DGKB: variants seen among roughly 807,000 people sequenced by gnomAD.
DGKB encodes the protein 90 kDa diacylglycerol kinase.
In DGKB, 67 loss-of-function variants were observed where a neutral mutation model predicts 114.3. The ratio of observed to expected loss-of-function variants is 0.59; its 90% CI spans 0.48 to 0.72. The LOEUF (loss-of-function observed/expected upper bound fraction) is 0.72. Among genes scored for constraint, DGKB ranks in the 30% least tolerant of loss-of-function variants. DGKB has a pLI of 0.00. For missense variants in DGKB, 907 were observed against 975.2 expected, an observed-to-expected ratio of 0.93 and a Z score of 0.93; for synonymous variants, 398 against 323.1, an observed-to-expected ratio of 1.23 and a Z score of -2.49.
chr7:14,175,439 C>A (rs1781580855), intron 25 of DGKB, among the ~76,000 whole-genome samples: 1 of 152,140 alleles, frequency 6.6e-6, no homozygotes, highest in Non-Finnish European at 1.5e-5. Flanking sequence ...CCTCCACCTC[C>A]TGCACCCCCA....
intron 21 of DGKB, among the ~76,000 whole-genome samples, chr7:14,398,793 T>A (rs1383656321): frequency 6.8e-6 from 1 of 147,544 alleles, no homozygotes. Flanking sequence ...GGTCTATGAC[T>A]AAAAAAAAAA....
At chr7:14,500,724 T>C (rs146161569) in intron 20 of DGKB, among the ~76,000 whole-genome samples, 19 of 151,890 alleles carry the variant, frequency 1.3e-4, no homozygotes, top group African/African-American at 4.3e-4. Context: ...TACTAGGTGA[T>C]TGATAGAAGC....
intron 23 of DGKB, among the ~76,000 whole-genome samples, chr7:14,283,729 T>A (rs968884561): frequency 6.6e-6 from 1 of 152,184 alleles, no homozygotes; most frequent in Admixed American, 6.5e-5. Context: ...AACTATCTGA[T>A]GTTTGACAAA....
chr7:14,165,347 C>A (rs757794092), intron 25 of DGKB, among the ~76,000 whole-genome samples: 1 of 152,082 alleles, frequency 6.6e-6, no homozygotes, highest in African/African-American at 2.4e-5. Flanking sequence ...TAAGGTTGTA[C>A]AACTTACTAA....
At chr7:14,836,474 G>A (rs762355849) in intron 2 of DGKB, among the ~76,000 whole-genome samples, 4 of 152,116 alleles carry the variant, frequency 2.6e-5, no homozygotes, top group Non-Finnish European at 4.4e-5. Context: ...GAAATATCAC[G>A]TAGATTTCAC....
intron 25 of DGKB, among the ~76,000 whole-genome samples, chr7:14,163,735 G>C (rs767583945): frequency 6.6e-6 from 1 of 152,150 alleles, no homozygotes; most frequent in Non-Finnish European, 1.5e-5. Flanking sequence ...ACTCACCCCT[G>C]TAATCCCAGC....
At chr7:14,515,745 A>G (rs1263671372) in intron 20 of DGKB, among the ~76,000 whole-genome samples, 1 of 152,216 alleles carries the variant, frequency 6.6e-6, no homozygotes, top group Non-Finnish European at 1.5e-5. Context: ...AATCACCTTG[A>G]CTATTTTTCT....
At chr7:14,796,130 G>A (rs974038227) in intron 2 of DGKB, among the ~76,000 whole-genome samples, 2 of 152,166 alleles carry the variant, frequency 1.3e-5, no homozygotes, top group Non-Finnish European at 2.9e-5. Flanking sequence ...TTTACAAAAA[G>A]TTGATGGGTG....
chr7:14,861,439 T>C (rs1184271775), intron 1 of DGKB, among the ~76,000 whole-genome samples: 1 of 152,034 alleles, frequency 6.6e-6, no homozygotes, highest in Non-Finnish European at 1.5e-5. Flanking sequence ...TGATCTTTTT[T>C]TCATTATTTA....
intron 23 of DGKB, among the ~76,000 whole-genome samples, chr7:14,320,412 T>C (rs902581072): frequency 6.6e-6 from 1 of 151,740 alleles, no homozygotes; most frequent in Non-Finnish European, 1.5e-5. Flanking sequence ...AGTTGACATA[T>C]AGTTTTCTGC....
At chr7:14,506,400 AG>A (rs1292646361) in intron 20 of DGKB, among the ~76,000 whole-genome samples, 4 of 152,188 alleles carry the variant, frequency 2.6e-5, no homozygotes, top group African/African-American at 9.6e-5. Context: ...AGAAAAAAAT[AG>A]ACTATGTAGC....
chr7:14,213,876 T>C (rs1788534940), intron 23 of DGKB, among the ~76,000 whole-genome samples: 8 of 152,176 alleles, frequency 5.3e-5, no homozygotes, highest in Admixed American at 5.2e-4. Context: ...TAGTAATAAA[T>C]GTTTCTTTTT....
chr7:14,238,360 T>C (rs892757924), intron 23 of DGKB, among the ~76,000 whole-genome samples: 1 of 152,054 alleles, frequency 6.6e-6, no homozygotes, highest in African/African-American at 2.4e-5. Context: ...TTGCTTCTTC[T>C]TCTGCCCTAA....
chr7:14,754,916 G>A (rs1352918343), intron 3 of DGKB, among the ~76,000 whole-genome samples: 1 of 152,088 alleles, frequency 6.6e-6, no homozygotes, highest in Non-Finnish European at 1.5e-5. Flanking sequence ...CTCCCCTATG[G>A]CTTGGTCAAT....
At chr7:14,836,431 G>A (rs1847170739) in intron 2 of DGKB, among the ~76,000 whole-genome samples, 1 of 152,100 alleles carries the variant, frequency 6.6e-6, no homozygotes, top group African/African-American at 2.4e-5. Context: ...CTAACCCTAA[G>A]TGACAATACG....
At chr7:14,856,831 G>A (rs1439601706) in intron 1 of DGKB, among the ~76,000 whole-genome samples, 6 of 151,974 alleles carry the variant, frequency 3.9e-5, no homozygotes, top group Admixed American at 6.6e-5. Context: ...TTTATTATAG[G>A]CTGCCAAATT....
intron 23 of DGKB, among the ~76,000 whole-genome samples, chr7:14,228,566 T>C (rs2128336366): frequency 6.6e-6 from 1 of 151,988 alleles, no homozygotes; most frequent in East Asian, 1.9e-4. Flanking sequence ...ACACACACAG[T>C]ACAGCGCTAC....
intron 21 of DGKB, among the ~76,000 whole-genome samples, chr7:14,457,720 A>G (rs945898234): frequency 6.6e-6 from 1 of 152,228 alleles, no homozygotes; most frequent in Non-Finnish European, 1.5e-5. Flanking sequence ...CTTAATTAGT[A>G]GGCTGGACTA....
intron 23 of DGKB, among the ~76,000 whole-genome samples, chr7:14,218,380 G>A (rs946480327): frequency 6.6e-6 from 1 of 152,058 alleles, no homozygotes; most frequent in Admixed American, 6.6e-5. Context: ...TCTCTACACT[G>A]AAACCATCTT....
Sources: gnomAD v4.1 joint callset for allele counts (sites outside exome capture counted in the v4.1 genomes callset) on GRCh38, gnomAD v4.1.1 for gene constraint, MANE v1.5 for transcripts, NCBI Gene and HGNC (gene_info 2026-07-23, HGNC 2026-07-21) for gene names.